The following SUPT3H variants were observed in gnomAD, a reference collection of about 807,000 sequenced individuals.
SUPT3H encodes the protein SPT3 homolog, SAGA and STAGA complex component, also known as transcription initiation protein SPT3 homolog.
In SUPT3H, 44 loss-of-function variants were observed where a neutral mutation model predicts 44.3. That is an observed-to-expected ratio of 0.99 (90% CI 0.78 to 1.28). The LOEUF is 1.28. Ranked by LOEUF, SUPT3H falls within the 50% of genes most tolerant of loss-of-function variation. SUPT3H has a pLI of 0.00. For missense variants in SUPT3H, 380 were observed against 387.1 expected, an observed-to-expected ratio of 0.98 and a Z score of 0.15; for synonymous variants, 124 against 125.6, an observed-to-expected ratio of 0.99 and a Z score of 0.09.
intron 1 of SUPT3H, among the ~76,000 whole-genome samples, chr6:45,368,325 T>C (rs1309663401): frequency 6.6e-6 from 1 of 152,180 alleles, no homozygotes; most frequent in African/African-American, 2.4e-5. Context: ...ATAGCTAATA[T>C]TATAACACAC....
chr6:45,168,101 G>A (rs955095538), intron 2 of SUPT3H, among the ~76,000 whole-genome samples: 6 of 152,038 alleles, frequency 3.9e-5, no homozygotes, highest in Non-Finnish European at 5.9e-5. Context: ...GTGAGCCACC[G>A]CGCCTGGCAA....
At chr6:45,057,305 A>G (rs1459148430) in intron 3 of SUPT3H, among the ~76,000 whole-genome samples, 2 of 152,138 alleles carry the variant, frequency 1.3e-5, no homozygotes, top group Admixed American at 1.3e-4. Context: ...GACAAAGTTT[A>G]TATCAGTCTT....
At position 45,095,012 on chromosome 6, in the gene SUPT3H, C is replaced by T. The variant is rs1334097739; in HGVS notation, c.186+10910G>A. Among the ~76,000 whole-genome samples, 1 of 152,034 alleles carries T rather than the reference C, an allele frequency of 6.6e-6. No homozygotes were observed. Among genetic ancestry groups the T allele is most frequent in the Non-Finnish European group, 1.5e-5 (1 of 67,958 alleles). On this transcript the variant is annotated intron_variant, in intron 3 of 10. Coordinates refer to ENST00000371459, the MANE Select transcript of SUPT3H (RefSeq NM_003599.4). The surrounding 1 kb of genome is among the most constrained non-coding windows in gnomAD (Gnocchi z 4.1). ...TTCTAAACATATGCTTAATTTACTC[C>T]ACAGTAGCAGACAGAAAGGCCGAGA... is the stretch of plus-strand genomic sequence containing the variant.
chr6:45,365,092 A>G, intron 2 of SUPT3H, 109 bp downstream of exon 2: 1 of 711,424 alleles, frequency 1.4e-6, no homozygotes, highest in Non-Finnish European at 2.1e-6. Flanking sequence ...TACTTGATTA[A>G]TAACAAATTA....
At chr6:45,179,262 G>A (rs187565505) in intron 2 of SUPT3H, among the ~76,000 whole-genome samples, 2,671 of 152,248 alleles carry the variant, frequency 0.018, 50 homozygotes, top group South Asian at 0.085. Context: ...AAAGAGTCCA[G>A]GACCAGATGG....
chr6:45,105,559 C>A (rs952396798), intron 3 of SUPT3H, among the ~76,000 whole-genome samples: 2 of 152,034 alleles, frequency 1.3e-5, no homozygotes, highest in East Asian at 1.9e-4. Flanking sequence ...AATGTACATA[C>A]CTTAATTTAA....
chr6:45,125,931 C>T (rs1475056066), intron 2 of SUPT3H, among the ~76,000 whole-genome samples: 1 of 151,964 alleles, frequency 6.6e-6, no homozygotes, highest in Non-Finnish European at 1.5e-5. Context: ...TTATTCGTAT[C>T]CCATCCATTT....
At chr6:45,249,554 T>A (rs563716001) in intron 2 of SUPT3H, among the ~76,000 whole-genome samples, 2 of 152,080 alleles carry the variant, frequency 1.3e-5, no homozygotes, top group South Asian at 4.2e-4. Context: ...CCAGGGGGAT[T>A]AACTCAGCAA....
intron 2 of SUPT3H, among the ~76,000 whole-genome samples, chr6:45,182,790 ATACC>A (rs1310143331): frequency 2.6e-5 from 4 of 152,224 alleles, no homozygotes; most frequent in Non-Finnish European, 5.9e-5. Context: ...ATACAACTAC[ATACC>A]TACCAGGATG....
At position 45,069,707 on chromosome 6, in the gene SUPT3H, A is replaced by C. The variant is rs145579107; in HGVS notation, c.186+36215T>G. ...TATGAGGGCGAGGAAACCACCAAAA[A>C]ATCCATAGATTAACTCAACAAAATT... is the stretch of plus-strand genomic sequence containing the variant. On this transcript the variant is annotated intron_variant, in intron 3 of 10. Transcript: ENST00000371459. Among the ~76,000 whole-genome samples the C allele has an allele frequency of 5.1e-4, 77 of 152,278 alleles. 2 individuals carry two copies. In the East Asian group the frequency reaches 0.012, roughly 24 times the overall value.
intron 2 of SUPT3H, among the ~76,000 whole-genome samples, chr6:45,362,611 T>C (rs1563025452): frequency 6.6e-6 from 1 of 152,140 alleles, no homozygotes; most frequent in Non-Finnish European, 1.5e-5. Flanking sequence ...CCCTGTTCTA[T>C]AAAGAAATTC....
intron 2 of SUPT3H, among the ~76,000 whole-genome samples, chr6:45,303,146 A>C (rs1458592101): frequency 1.3e-5 from 2 of 152,152 alleles, no homozygotes; most frequent in Non-Finnish European, 2.9e-5. Context: ...TTAAATATAA[A>C]ACCTGAAACT....
chr6:45,153,351 AT>A (rs1294230435), intron 2 of SUPT3H, among the ~76,000 whole-genome samples: 1 of 152,218 alleles, frequency 6.6e-6, no homozygotes, highest in African/African-American at 2.4e-5. Flanking sequence ...TGTTAGTTGA[AT>A]AAATTAGTCC....
At chr6:45,327,240 C>G (rs1451058385) in intron 2 of SUPT3H, among the ~76,000 whole-genome samples, 1 of 151,886 alleles carries the variant, frequency 6.6e-6, no homozygotes, top group Non-Finnish European at 1.5e-5. Context: ...CTACACACAG[C>G]ATTTTGTAAT....
chr6:45,119,632 G>GA (rs1462663163), intron 2 of SUPT3H, among the ~76,000 whole-genome samples: 1 of 152,158 alleles, frequency 6.6e-6, no homozygotes, highest in Non-Finnish European at 1.5e-5. Context: ...ATGTTAACAG[G>GA]AAAGAGTCAA....
At chr6:45,262,987 A>T (rs1454962318) in intron 2 of SUPT3H, among the ~76,000 whole-genome samples, 1 of 152,172 alleles carries the variant, frequency 6.6e-6, no homozygotes, top group Non-Finnish European at 1.5e-5. Flanking sequence ...GTCAAAAAAT[A>T]ATAGATGTAG....
chr6:45,204,914 T>C (rs1762995177), intron 2 of SUPT3H, among the ~76,000 whole-genome samples: 1 of 152,226 alleles, frequency 6.6e-6, no homozygotes, highest in Admixed American at 6.5e-5. Flanking sequence ...CAGACCCTTC[T>C]TATTCCTGAA....
intron 2 of SUPT3H, among the ~76,000 whole-genome samples, chr6:45,164,571 G>C (rs867850205): frequency 5.3e-5 from 8 of 152,224 alleles, no homozygotes; most frequent in Middle Eastern, 3.4e-3. Flanking sequence ...TGACTCACCA[G>C]TGTTTTAAGG....
At chr6:45,014,511 T>C (rs1783953841) in intron 5 of SUPT3H, among the ~76,000 whole-genome samples, 1 of 152,122 alleles carries the variant, frequency 6.6e-6, no homozygotes, top group Non-Finnish European at 1.5e-5. Context: ...CGGTCTGTTT[T>C]ACTCTAAGTC....
Sources: gnomAD v4.1 joint callset for allele counts (sites outside exome capture counted in the v4.1 genomes callset) on GRCh38, gnomAD v4.1.1 for gene constraint, Gnocchi (gnomAD v3.1) non-coding constraint, MANE v1.5 for transcripts, NCBI Gene and HGNC (gene_info 2026-07-23, HGNC 2026-07-21) for gene names.